The following SCN9A variants were observed in gnomAD, a reference collection of about 807,000 sequenced individuals.
SCN9A encodes sodium channel protein type 9 subunit alpha.
SCN9A carries 131 observed loss-of-function variants against 187.0 expected under a neutral mutation model. The ratio of observed to expected loss-of-function variants is 0.70; its 90% CI spans 0.61 to 0.81. The LOEUF (loss-of-function observed/expected upper bound fraction) is 0.81, where lower values mean the gene tolerates loss of function less well. Among genes scored for constraint, SCN9A ranks in the 30% least tolerant of loss-of-function variants. The pLI, the probability that SCN9A is intolerant of heterozygous loss-of-function variation, is 0.00. For synonymous variants in SCN9A, 809 were observed against 808.6 expected, an observed-to-expected ratio of 1.00 and a Z score of -0.01; for missense variants, 2,252 against 2,396.6, an observed-to-expected ratio of 0.94 and a Z score of 1.26.
chr2:166,336,055 T>C (rs1559048286), intron 1 of SCN9A, among the ~76,000 whole-genome samples: 2 of 152,076 alleles, frequency 1.3e-5, no homozygotes, highest in African/African-American at 4.8e-5. Context: ...GTAAAGAACT[T>C]GAGCATCTCC....
At chr2:166,308,296 C>T (rs981647600) in intron 2 of SCN9A, among the ~76,000 whole-genome samples, 3 of 152,048 alleles carry the variant, frequency 2.0e-5, no homozygotes, top group African/African-American at 7.2e-5. Flanking sequence ...CTCTGTGTCC[C>T]CGCCCAAATC....
chr2:166,207,455 G>GTTGTTT (rs1478761073), intron 24 of SCN9A, among the ~76,000 whole-genome samples: 3 of 151,680 alleles, frequency 2.0e-5, no homozygotes, highest in African/African-American at 7.3e-5. Context: ...TGTTGTTGTT[G>GTTGTTT]TTTTTGATGG....
At chr2:166,364,326 G>A (rs1035711120) in intron 1 of SCN9A, among the ~76,000 whole-genome samples, 5 of 151,720 alleles carry the variant, frequency 3.3e-5, no homozygotes, top group African/African-American at 1.2e-4. Flanking sequence ...TCTACTTTAG[G>A]GTATACATCC....
intron 1 of SCN9A, among the ~76,000 whole-genome samples, chr2:166,348,800 G>T (rs946771277): frequency 6.6e-6 from 1 of 152,030 alleles, no homozygotes; most frequent in African/African-American, 2.4e-5. Flanking sequence ...GCCAGTCCAA[G>T]AGTTTTAAAC....
intron 24 of SCN9A, among the ~76,000 whole-genome samples, chr2:166,224,433 T>G (rs1558962093): frequency 6.6e-6 from 1 of 152,188 alleles, no homozygotes; most frequent in Non-Finnish European, 1.5e-5. Context: ...TTTTGGTACA[T>G]GTACATCTGT....
chr2:166,368,544 A>T (rs560523856), intron 1 of SCN9A, among the ~76,000 whole-genome samples: 55 of 152,170 alleles, frequency 3.6e-4, no homozygotes, highest in African/African-American at 1.3e-3. Context: ...GAGGCAGGAG[A>T]ATCACTTGAA....
At chr2:166,227,642 G>T (rs1227035670) in intron 23 of SCN9A, 28 bp downstream of exon 23, 88 of 1,292,420 alleles carry the variant, frequency 6.8e-5, no homozygotes, top group Non-Finnish European at 9.6e-5. Flanking sequence ...TAAAAATAAA[G>T]TTTAGTGCTA....
In SCN9A at chr2:166,195,592, A is replaced by G. The variant is rs1693223334; in HGVS notation, c.*3080T>C. On this transcript the variant is annotated 3_prime_UTR_variant, in exon 27 of 27. Coordinates refer to ENST00000642356, the MANE Select transcript of SCN9A (RefSeq NM_001365536.1). ...TATGCATTTTATTTTCACTCTTTTTAATAAAGCTATCAAAACTCTATAAAA... is the reference window on the plus strand; with the variant it reads ...TATGCATTTTATTTTCACTCTTTTTGATAAAGCTATCAAAACTCTATAAAA... The G allele has an allele frequency of 6.6e-6, 1 of 152,166 alleles. No homozygotes were observed. Among genetic ancestry groups the G allele is most frequent in the South Asian group, 2.1e-4 (1 of 4,826 alleles). The allele number at this position is 152,166 out of a possible 1,614,324, so 9.4% of individuals were successfully genotyped here.
At chr2:166,227,062 A>C (rs1694871125) in intron 23 of SCN9A, among the ~76,000 whole-genome samples, 2 of 152,066 alleles carry the variant, frequency 1.3e-5, no homozygotes, top group Non-Finnish European at 2.9e-5. Context: ...ACATTATCAT[A>C]TTTATACACA....
At chr2:166,289,200 AT>A (rs112721450) in intron 9 of SCN9A, among the ~76,000 whole-genome samples, 11 of 149,836 alleles carry the variant, frequency 7.3e-5, no homozygotes, top group East Asian at 2.0e-4. Flanking sequence ...AGGTACAGAG[AT>A]TTTTTTTTCT....
chr2:166,313,123 T>A (rs1315607489), intron 1 of SCN9A, among the ~76,000 whole-genome samples: 1 of 150,156 alleles, frequency 6.7e-6, no homozygotes, highest in East Asian at 1.9e-4. Flanking sequence ...GTAAATAATA[T>A]AATTATTATG....
At position 166,311,330 on chromosome 2, in the gene SCN9A, CTATATATATATATATATATA is replaced by C. The variant is rs10688081; in HGVS notation, c.258+149_258+168del. ...TGAAAAAGTACAGATTCTGAATATCCTATATATATATATATATATATATATATATATATATATATATATAT... is the reference window on the plus strand; with the variant it reads ...TGAAAAAGTACAGATTCTGAATATCCTATATATATATATATATATATATAT... On this transcript the variant is annotated intron_variant, in intron 2 of 26. Coordinates refer to ENST00000642356, the MANE Select transcript of SCN9A (RefSeq NM_001365536.1). 1.0e-3 allele frequency among the ~76,000 whole-genome samples: 47 copies of C among 46,722 alleles called. 2 individuals are homozygous for C. The highest frequency in any genetic ancestry group is 3.5e-3 in the Admixed American group (9 of 2,554). 30.7% of individuals were successfully genotyped at this position (46,722 alleles called of 152,430 possible).
At chr2:166,346,474 T>C (rs1030324330) in intron 1 of SCN9A, among the ~76,000 whole-genome samples, 6 of 152,150 alleles carry the variant, frequency 3.9e-5, no homozygotes, top group African/African-American at 1.4e-4. Context: ...GTATTAAACT[T>C]CTTAAAGTAC....
At chr2:166,211,071 A>AG (rs1240554675) in intron 24 of SCN9A, among the ~76,000 whole-genome samples, 1 of 29,982 alleles carries the variant, frequency 3.3e-5, no homozygotes, top group Non-Finnish European at 5.9e-5. Flanking sequence ...CGGAAAAAAA[A>AG]GAAAGAAAGT....
chr2:166,223,291 A>G (rs1004095518), intron 24 of SCN9A, among the ~76,000 whole-genome samples: 5 of 152,222 alleles, frequency 3.3e-5, no homozygotes, highest in Non-Finnish European at 7.3e-5. Flanking sequence ...GTATCCAAAT[A>G]TGAAAACAAC....
chr2:166,307,365 A>G, intron 2 of SCN9A, among the ~76,000 whole-genome samples: 1 of 152,162 alleles, frequency 6.6e-6, no homozygotes, highest in Middle Eastern at 3.2e-3. Flanking sequence ...TTCACCAGTA[A>G]CAATAACTGT....
chr2:166,312,994 T>C (rs1262650821), intron 1 of SCN9A, among the ~76,000 whole-genome samples: 1 of 116,768 alleles, frequency 8.6e-6, no homozygotes, highest in Non-Finnish European at 1.7e-5. Context: ...ATAATTATTA[T>C]TTAATTTTCT....
intron 24 of SCN9A, among the ~76,000 whole-genome samples, chr2:166,212,484 C>T (rs1172776911): frequency 2.0e-5 from 3 of 152,092 alleles, no homozygotes; most frequent in Non-Finnish European, 4.4e-5. Context: ...CATGTAAATA[C>T]GTAAAGCAAT....
At chr2:166,222,945 C>CA (rs1309168684) in intron 24 of SCN9A, among the ~76,000 whole-genome samples, 4,029 of 44,736 alleles carry the variant, frequency 0.09, 738 homozygotes, top group South Asian at 0.13. Context: ...AAAAAAACAA[C>CA]AAAAAAAAAA....
Sources: allele counts gnomAD v4.1 joint callset (sites outside exome capture counted in the v4.1 genomes callset), GRCh38; gene constraint gnomAD v4.1.1; transcripts MANE v1.5; gene names NCBI Gene and HGNC (gene_info 2026-07-23, HGNC 2026-07-21).